Variants in RABGAP1L observed in about 807,000 individuals in gnomAD.
The protein encoded by RABGAP1L is rab GTPase-activating protein 1-like.
RABGAP1L carries 63 observed loss-of-function variants against 137.7 expected under a neutral mutation model. The ratio of observed to expected loss-of-function variants is 0.46; its 90% CI spans 0.37 to 0.56. The LOEUF (loss-of-function observed/expected upper bound fraction) is 0.56. Ranked by LOEUF, RABGAP1L falls within the 20% of genes least tolerant of loss-of-function variation. The pLI is 0.00. For missense variants in RABGAP1L, 1,095 were observed against 1,244.0 expected (o/e 0.88, Z 1.80); for synonymous variants, 431 against 433.7 (o/e 0.99, Z 0.08).
intron 3 of RABGAP1L, among the ~76,000 whole-genome samples, chr1:174,226,475 G>C (rs1233350349): frequency 6.6e-6 from 1 of 152,176 alleles, no homozygotes; most frequent in Non-Finnish European, 1.5e-5. Flanking sequence ...CTGTGGGAGA[G>C]ATAACTTATA....
At chr1:174,649,199 C>T (rs1675247360) in intron 14 of RABGAP1L, among the ~76,000 whole-genome samples, 1 of 152,058 alleles carries the variant, frequency 6.6e-6, no homozygotes, top group Non-Finnish European at 1.5e-5. Flanking sequence ...AGCCTGTTTA[C>T]ATTTAAGGTT....
intron 14 of RABGAP1L, among the ~76,000 whole-genome samples, chr1:174,647,483 G>A (rs1675070388): frequency 6.6e-6 from 1 of 152,024 alleles, no homozygotes; most frequent in Non-Finnish European, 1.5e-5. Context: ...TTTTGTCATT[G>A]GTTCTGTTTA....
At chr1:174,797,416 T>C (rs1488379484) in intron 18 of RABGAP1L, among the ~76,000 whole-genome samples, 2 of 151,866 alleles carry the variant, frequency 1.3e-5, no homozygotes, top group African/African-American at 2.4e-5. Context: ...AGAACACCAG[T>C]ATATATACAA....
chr1:174,239,104 C>G (rs553457831), intron 4 of RABGAP1L, among the ~76,000 whole-genome samples: 82 of 152,310 alleles, frequency 5.4e-4, no homozygotes, highest in African/African-American at 1.8e-3. Context: ...CCAGGTGAGG[C>G]AATGCCTCGC....
intron 13 of RABGAP1L, among the ~76,000 whole-genome samples, chr1:174,586,598 T>C (rs992763386): frequency 6.6e-6 from 1 of 152,088 alleles, no homozygotes; most frequent in African/African-American, 2.4e-5. Flanking sequence ...TATGTATGTA[T>C]GTATGTATTA....
At chr1:174,729,912 G>A (rs1266487714) in intron 17 of RABGAP1L, among the ~76,000 whole-genome samples, 2 of 152,180 alleles carry the variant, frequency 1.3e-5, no homozygotes, top group African/African-American at 2.4e-5. Flanking sequence ...AGAGCTTGGC[G>A]ATTTCTCAAA....
intron 11 of RABGAP1L, among the ~76,000 whole-genome samples, chr1:174,355,249 G>A (rs1422903892): frequency 6.6e-6 from 1 of 152,012 alleles, no homozygotes; most frequent in Non-Finnish European, 1.5e-5. Flanking sequence ...TTAAGAAAAT[G>A]TGGCACATAT....
chr1:174,578,210 A>C (rs906605564), intron 13 of RABGAP1L, among the ~76,000 whole-genome samples: 4 of 152,190 alleles, frequency 2.6e-5, no homozygotes, highest in African/African-American at 9.6e-5. Flanking sequence ...TTATTGAGAC[A>C]GTCTCACTCT....
intron 17 of RABGAP1L, among the ~76,000 whole-genome samples, chr1:174,736,632 T>G (rs1682966894): frequency 6.6e-6 from 1 of 152,236 alleles, no homozygotes. Context: ...ACTGCCCTAG[T>G]AGAGGTTCTC....
At chr1:174,457,644 A>C (rs896333755) in intron 13 of RABGAP1L, among the ~76,000 whole-genome samples, 3 of 152,026 alleles carry the variant, frequency 2.0e-5, no homozygotes, top group African/African-American at 7.2e-5. Context: ...CTGGGACTAC[A>C]GGTGTGTGCC....
At chr1:174,550,895 T>TATATATATATATATATATATAC (rs1456087584) in intron 13 of RABGAP1L, among the ~76,000 whole-genome samples, 1 of 50,968 alleles carries the variant, frequency 2.0e-5, no homozygotes, top group Admixed American at 2.2e-4. Context: ...TATATATATA[T>TATATATATATATATATATATAC]ACACACACAC....
chr1:174,985,981 C>G (rs1309346605), intron 24 of RABGAP1L, among the ~76,000 whole-genome samples: 2 of 152,014 alleles, frequency 1.3e-5, no homozygotes, highest in Non-Finnish European at 2.9e-5. Flanking sequence ...CCCTGTCGCC[C>G]AGGCTGGAGT....
At chr1:174,282,047 T>C (rs760517898) in intron 10 of RABGAP1L, among the ~76,000 whole-genome samples, 2 of 152,252 alleles carry the variant, frequency 1.3e-5, no homozygotes, top group Non-Finnish European at 2.9e-5. Context: ...TGTATAGCTG[T>C]ACCATAATTT....
chr1:174,550,979 T>C (rs1211331297), intron 13 of RABGAP1L, among the ~76,000 whole-genome samples: 1 of 88,988 alleles, frequency 1.1e-5, no homozygotes, highest in Admixed American at 1.1e-4. Context: ...TACATGTATA[T>C]ATACATATAT....
At chr1:174,637,269 C>G (rs1674133954) in intron 13 of RABGAP1L, 106 bp from the exon 14 acceptor site, 1 of 740,036 alleles carries the variant, frequency 1.4e-6, no homozygotes, top group Non-Finnish European at 2.2e-6. Flanking sequence ...TTATGTTTTT[C>G]TGTTGTTTAC....
intron 13 of RABGAP1L, 147 bp from the exon 14 acceptor site, chr1:174,637,228 G>A (rs549237751): frequency 5.1e-5 from 30 of 588,732 alleles, no homozygotes; most frequent in Middle Eastern, 4.7e-4. Flanking sequence ...CTTGGGTATA[G>A]GACTATGGGT....
intron 7 of RABGAP1L, among the ~76,000 whole-genome samples, chr1:174,269,385 A>G (rs1329916275): frequency 6.6e-6 from 1 of 152,244 alleles, no homozygotes; most frequent in Non-Finnish European, 1.5e-5. Context: ...ATAGTCTTTT[A>G]CTGACAGTCC....
At chr1:174,655,176 A>G (rs116519544) in intron 14 of RABGAP1L, among the ~76,000 whole-genome samples, 20 of 152,326 alleles carry the variant, frequency 1.3e-4, no homozygotes, top group African/African-American at 4.1e-4. Context: ...TCATAATGCA[A>G]CATCCAAATC....
chr1:174,274,765 TG>T (rs1674839030), intron 8 of RABGAP1L, among the ~76,000 whole-genome samples: 1 of 152,064 alleles, frequency 6.6e-6, no homozygotes, highest in African/African-American at 2.4e-5. Flanking sequence ...CTACACAATC[TG>T]ATTAGTGAAG....
Sources: gnomAD v4.1 joint callset for allele counts (sites outside exome capture counted in the v4.1 genomes callset) on GRCh38, gnomAD v4.1.1 for gene constraint, MANE v1.5 for transcripts, NCBI Gene and HGNC (gene_info 2026-07-23, HGNC 2026-07-21) for gene names.